Variants in FBXL20 observed in about 807,000 individuals in gnomAD.
FBXL20 encodes the protein F-box/LRR-repeat protein 20.
FBXL20 carries 11 observed loss-of-function variants against 64.0 expected under a neutral mutation model. The observed-to-expected ratio is 0.17, with a 90% CI of 0.11 to 0.28. The LOEUF is 0.28. FBXL20 is among the 10% of genes least tolerant of loss of function. The pLI, the probability that FBXL20 is intolerant of heterozygous loss-of-function variation, is 1.00. For synonymous variants in FBXL20, 184 were observed against 189.0 expected, an observed-to-expected ratio of 0.97 and a Z score of 0.22; for missense variants, 303 against 526.2, an observed-to-expected ratio of 0.58 and a Z score of 4.15.
At chr17:39,387,571 G>A (rs1037937682) in intron 1 of FBXL20, among the ~76,000 whole-genome samples, 2 of 147,074 alleles carry the variant, frequency 1.4e-5, no homozygotes, top group Non-Finnish European at 3.0e-5. Context: ...GTGCCACAGC[G>A]CCCAATCTTT....
At chr17:39,286,755 ACC>A (rs2046991707) in intron 6 of FBXL20, among the ~76,000 whole-genome samples, 1 of 151,654 alleles carries the variant, frequency 6.6e-6, no homozygotes, top group African/African-American at 2.4e-5. Flanking sequence ...CCAAGATTGC[ACC>A]ATTGCACTCC....
At chr17:39,388,276 G>A (rs560702888) in intron 1 of FBXL20, among the ~76,000 whole-genome samples, 16 of 151,716 alleles carry the variant, frequency 1.1e-4, no homozygotes, top group South Asian at 2.1e-4. Flanking sequence ...GACCAACATG[G>A]CAAAATCTCA....
intron 1 of FBXL20, among the ~76,000 whole-genome samples, chr17:39,356,557 T>C (rs569855027): frequency 1.1e-4 from 16 of 152,130 alleles, no homozygotes; most frequent in South Asian, 2.1e-4. Flanking sequence ...GATTTCGCCA[T>C]GTTGCCTAGG....
chr17:39,368,891 G>A (rs1286538660), intron 1 of FBXL20, among the ~76,000 whole-genome samples: 6 of 152,014 alleles, frequency 3.9e-5, no homozygotes, highest in African/African-American at 1.2e-4. Flanking sequence ...TCCTCACCTC[G>A]TGATCTGCCC....
At chr17:39,352,801 T>C (rs1181359796) in intron 1 of FBXL20, among the ~76,000 whole-genome samples, 1 of 152,110 alleles carries the variant, frequency 6.6e-6, no homozygotes, top group Non-Finnish European at 1.5e-5. Flanking sequence ...CTCTGACCTA[T>C]ATTATTTAAG....
At chr17:39,267,069 A>G (rs1403129716) in intron 12 of FBXL20, among the ~76,000 whole-genome samples, 1 of 152,084 alleles carries the variant, frequency 6.6e-6, no homozygotes, top group African/African-American at 2.4e-5. Context: ...CCTGGACAAC[A>G]TGTTGAAACC....
intron 1 of FBXL20, among the ~76,000 whole-genome samples, chr17:39,365,813 G>T (rs1464233470): frequency 6.6e-6 from 1 of 152,098 alleles, no homozygotes; most frequent in African/African-American, 2.4e-5. Flanking sequence ...AATGTTCCAT[G>T]CCCTACTGAA....
At chr17:39,375,066 T>C (rs1197939240) in intron 1 of FBXL20, among the ~76,000 whole-genome samples, 3 of 152,154 alleles carry the variant, frequency 2.0e-5, no homozygotes, top group Non-Finnish European at 2.9e-5. Flanking sequence ...ATTACAGGCG[T>C]GAGCCACCGC....
intron 1 of FBXL20, among the ~76,000 whole-genome samples, chr17:39,346,560 A>G (rs2047634462): frequency 6.6e-6 from 1 of 152,190 alleles, no homozygotes; most frequent in African/African-American, 2.4e-5. Flanking sequence ...TAAGATTAAC[A>G]GGGACAGTGA....
At chr17:39,353,079 T>C (rs2047703150) in intron 1 of FBXL20, among the ~76,000 whole-genome samples, 2 of 152,100 alleles carry the variant, frequency 1.3e-5, no homozygotes, top group South Asian at 2.1e-4. Context: ...GCCACCGTTT[T>C]AAAGACAAGC....
intron 6 of FBXL20, among the ~76,000 whole-genome samples, chr17:39,294,446 A>AT (rs796485058): frequency 3.2e-4 from 49 of 151,502 alleles, no homozygotes; most frequent in African/African-American, 1.1e-3. Flanking sequence ...TGCCTGGCTA[A>AT]TTTTTTGTAT....
intron 10 of FBXL20, among the ~76,000 whole-genome samples, chr17:39,272,317 C>T (rs1333928865): frequency 6.0e-5 from 9 of 150,434 alleles, no homozygotes; most frequent in East Asian, 3.9e-4. Context: ...ACCCAGGAGG[C>T]GGAGTTTGCA....
intron 9 of FBXL20, among the ~76,000 whole-genome samples, chr17:39,276,849 G>A (rs1479678556): frequency 3.3e-5 from 5 of 152,178 alleles, no homozygotes; most frequent in Admixed American, 2.0e-4. Context: ...CTACTCAGGA[G>A]GCTGAAGTGG....
intron 1 of FBXL20, among the ~76,000 whole-genome samples, chr17:39,345,303 TAA>T (rs2047621689): frequency 6.6e-6 from 1 of 152,044 alleles, no homozygotes; most frequent in Admixed American, 6.6e-5. Flanking sequence ...ACAAGAGATG[TAA>T]GAGAGAACAA....
chr17:39,401,673 C>T, upstream of FBXL20: 1 of 1,290,662 alleles, frequency 7.7e-7, no homozygotes, highest in Non-Finnish European at 9.8e-7. Context: ...CACCTGCCAG[C>T]AACGCCGCTG....
intron 6 of FBXL20, among the ~76,000 whole-genome samples, chr17:39,291,135 G>C (rs2047034629): frequency 6.6e-6 from 1 of 151,358 alleles, no homozygotes; most frequent in African/African-American, 2.4e-5. Flanking sequence ...CTAACTTTTT[G>C]TATTTTTAGT....
At chr17:39,312,395 C>T (rs1188144386) in intron 2 of FBXL20, among the ~76,000 whole-genome samples, 1 of 150,552 alleles carries the variant, frequency 6.6e-6, no homozygotes, top group Non-Finnish European at 1.5e-5. Context: ...GCCTGGGAGA[C>T]AGACCTATAC....
intron 2 of FBXL20, among the ~76,000 whole-genome samples, chr17:39,333,071 C>T (rs2047478207): frequency 6.6e-6 from 1 of 151,954 alleles, no homozygotes; most frequent in Non-Finnish European, 1.5e-5. Flanking sequence ...CCAAGTAGCT[C>T]AGATTATAGG....
chr17:39,307,554 G>T (rs1165903897), intron 2 of FBXL20, among the ~76,000 whole-genome samples: 2 of 152,158 alleles, frequency 1.3e-5, no homozygotes, highest in Non-Finnish European at 2.9e-5. Context: ...CATTCTAAGT[G>T]TGTAAATTTA....
Sources: gnomAD v4.1 joint callset for allele counts (sites outside exome capture counted in the v4.1 genomes callset) on GRCh38, gnomAD v4.1.1 for gene constraint, MANE v1.5 for transcripts, NCBI Gene and HGNC (gene_info 2026-07-23, HGNC 2026-07-21) for gene names.